Variants in PPP1R12A observed in about 807,000 individuals in gnomAD.
PPP1R12A encodes myosin binding subunit.
A neutral mutation model predicts 139.6 loss-of-function variants in PPP1R12A; 19 were observed. The observed-to-expected ratio is 0.14, with a 90% CI of 0.09 to 0.20. The LOEUF (loss-of-function observed/expected upper bound fraction) is 0.20, where lower values mean the gene tolerates loss of function less well. Ranked by LOEUF, PPP1R12A falls within the 10% of genes least tolerant of loss-of-function variation. The pLI is 1.00. For synonymous variants in PPP1R12A, 427 were observed against 420.6 expected, an observed-to-expected ratio of 1.02 and a Z score of -0.19; for missense variants, 925 against 1,211.5, an observed-to-expected ratio of 0.76 and a Z score of 3.51.
intron 14 of PPP1R12A, among the ~76,000 whole-genome samples, chr12:79,801,953 C>G (rs1213335107): frequency 1.3e-5 from 2 of 152,020 alleles, no homozygotes; most frequent in East Asian, 3.9e-4. Context: ...TATACTTTGA[C>G]TTTAATTTTA....
chr12:79,862,938 C>G (rs972627512), intron 2 of PPP1R12A, among the ~76,000 whole-genome samples: 4 of 152,076 alleles, frequency 2.6e-5, no homozygotes, highest in African/African-American at 9.7e-5. Flanking sequence ...GCAAGGCAGG[C>G]CAACATTCAA....
intron 1 of PPP1R12A, among the ~76,000 whole-genome samples, chr12:79,922,488 C>A (rs560544715): frequency 3.9e-5 from 6 of 152,080 alleles, no homozygotes; most frequent in Admixed American, 6.5e-5. Flanking sequence ...GTAGCACATA[C>A]ACACCATGGA....
chr12:79,811,558 A>G (rs1351220070), intron 9 of PPP1R12A, among the ~76,000 whole-genome samples: 2 of 152,252 alleles, frequency 1.3e-5, no homozygotes, highest in African/African-American at 4.8e-5. Context: ...CCAATGACCA[A>G]GAAAGTTTGC....
intron 1 of PPP1R12A, among the ~76,000 whole-genome samples, chr12:79,886,254 C>T (rs1380174653): frequency 6.6e-6 from 1 of 152,102 alleles, no homozygotes; most frequent in African/African-American, 2.4e-5. Flanking sequence ...CCAAGCAGTA[C>T]TCCTATACTA....
intron 1 of PPP1R12A, among the ~76,000 whole-genome samples, chr12:79,906,379 C>CA (rs1178896720): frequency 6.6e-6 from 1 of 151,878 alleles, no homozygotes; most frequent in Non-Finnish European, 1.5e-5. Context: ...AAAAATTAGG[C>CA]AAAAGGAGTA....
intron 1 of PPP1R12A, among the ~76,000 whole-genome samples, chr12:79,911,529 C>G (rs1300193401): frequency 6.6e-6 from 1 of 152,136 alleles, no homozygotes; most frequent in Non-Finnish European, 1.5e-5. Context: ...ATAATCTGTA[C>G]ACCAAACCCC....
chr12:79,827,988 T>C (rs745772819), intron 5 of PPP1R12A: 1 of 160,258 alleles, frequency 6.2e-6, no homozygotes, highest in African/African-American at 2.4e-5. Flanking sequence ...AACATTCACA[T>C]AGGAATGCAA....
At chr12:79,777,984 T>G (rs182389291) in intron 24 of PPP1R12A, among the ~76,000 whole-genome samples, 16 of 152,242 alleles carry the variant, frequency 1.1e-4, no homozygotes, top group Admixed American at 9.8e-4. Flanking sequence ...TAATTCACAA[T>G]GTGATAAAGA....
At chr12:79,862,302 C>T (rs1171192950) in intron 2 of PPP1R12A, among the ~76,000 whole-genome samples, 1 of 152,170 alleles carries the variant, frequency 6.6e-6, no homozygotes, top group East Asian at 1.9e-4. Context: ...CACCAAAACC[C>T]CATCTGTAGG....
chr12:79,876,869 C>G (rs140637506), intron 1 of PPP1R12A, among the ~76,000 whole-genome samples: 2 of 151,918 alleles, frequency 1.3e-5, no homozygotes, highest in African/African-American at 4.8e-5. Context: ...AAACTAGCCA[C>G]GCATGGTGGC....
chr12:79,790,621 G>A (rs1241925622), intron 19 of PPP1R12A, 138 bp from the exon 20 acceptor site: 4 of 503,628 alleles, frequency 7.9e-6, no homozygotes, highest in Non-Finnish European at 1.3e-5. Context: ...ATGCATAACA[G>A]TATATACATA....
At chr12:79,905,348 C>CCA (rs1555244682) in intron 1 of PPP1R12A, among the ~76,000 whole-genome samples, 12 of 115,488 alleles carry the variant, frequency 1.0e-4, no homozygotes, top group Admixed American at 1.0e-3. Context: ...CGCCCCCCCC[C>CCA]ACCCCTTTTT....
At chr12:79,856,371 G>A (rs1425748666) in intron 2 of PPP1R12A, among the ~76,000 whole-genome samples, 1 of 152,126 alleles carries the variant, frequency 6.6e-6, no homozygotes, top group Admixed American at 6.5e-5. Flanking sequence ...TAACCAAATA[G>A]GCTGACTGAA....
chr12:79,778,336 T>C (rs1477120904), intron 24 of PPP1R12A: 2 of 346,246 alleles, frequency 5.8e-6, no homozygotes, highest in Non-Finnish European at 1.0e-5. Flanking sequence ...TTATTTTTGC[T>C]CCTTCTTTTC....
chr12:79,778,644 A>G, intron 23 of PPP1R12A, 44 bp from the exon 24 acceptor site: 1 of 1,295,540 alleles, frequency 7.7e-7, no homozygotes. Context: ...TAATTATTAT[A>G]TTCTTAAGTC....
Position 79,832,470 on chromosome 12 carries a change from C to T in PPP1R12A, c.509G>A (p.Arg170Gln), listed in dbSNP as rs1877543727. The stretch of plus-strand genomic sequence containing the variant: ...AAGCATGATCCGTTCTTCTTCCTTT[C>T]GAGCTGCTTCTATATCAACCCCTGA... ...NRQGVDIEAARKEEERIMLRD... is the reference protein window; with the variant it reads ...NRQGVDIEAAQKEEERIMLRD... Residue 170 changes from arginine to glutamine, a missense_variant, in exon 4 of 25, where the codon CGA (arginine) becomes CAA (glutamine). Arg to Gln is a conservative substitution (Grantham distance 43, BLOSUM62 1). This residue lies in a region of PPP1R12A where 199 missense variants were observed against 352.4 expected (regional missense o/e 0.56). Transcript: ENST00000450142. The T allele has an allele frequency of 3.1e-6, 5 of 1,607,340 alleles. No homozygotes were observed. The highest frequency in any genetic ancestry group is 4.2e-6 in the Non-Finnish European group (5 of 1,177,622).
At chr12:79,837,946 G>A (rs1000380711) in intron 3 of PPP1R12A, among the ~76,000 whole-genome samples, 1 of 152,116 alleles carries the variant, frequency 6.6e-6, no homozygotes, top group Non-Finnish European at 1.5e-5. Flanking sequence ...TTTGGTATCG[G>A]GTAGTGGGGC....
At chr12:79,889,993 T>C (rs767188639) in intron 1 of PPP1R12A, among the ~76,000 whole-genome samples, 38 of 152,182 alleles carry the variant, frequency 2.5e-4, no homozygotes, top group Non-Finnish European at 5.3e-4. Context: ...TCCCATCTTC[T>C]AATACCATCA....
Position 79,823,484 on chromosome 12 carries a change from G to T in PPP1R12A, c.793-1294C>A, listed in dbSNP as rs1484507222. Among the ~76,000 whole-genome samples the T allele has an allele frequency of 2.0e-5, 3 of 151,958 alleles. No individual in the cohort carries two copies. In the East Asian group the frequency reaches 5.8e-4, roughly 29 times the overall value. On this transcript the variant is annotated intron_variant, in intron 5 of 24. Coordinates refer to ENST00000450142, the MANE Select transcript of PPP1R12A (RefSeq NM_002480.3). ...CAGGATGTTAACATGTATTCAGAAA[G>T]GAGCTAATTTCCAAACACTACAAAA... is the stretch of plus-strand genomic sequence containing the variant.
Sources: gnomAD v4.1 joint callset for allele counts (sites outside exome capture counted in the v4.1 genomes callset) on GRCh38, gnomAD v4.1.1 for gene constraint, gnomAD v4.1.1 regional missense constraint, MANE v1.5 for transcripts, NCBI Gene and HGNC (gene_info 2026-07-23, HGNC 2026-07-21) for gene names.